The following UBE4B variants were observed in gnomAD, a reference collection of about 807,000 sequenced individuals.
The protein encoded by UBE4B is ubiquitin conjugation factor E4 B.
A neutral mutation model predicts 148.1 loss-of-function variants in UBE4B; 27 were observed. That is an observed-to-expected ratio of 0.18 (90% CI 0.13 to 0.25). The LOEUF (loss-of-function observed/expected upper bound fraction) is 0.25. Among genes scored for constraint, UBE4B ranks in the 10% least tolerant of loss-of-function variants. The pLI, the probability that UBE4B is intolerant of heterozygous loss-of-function variation, is 1.00. For missense variants in UBE4B, 1,170 were observed against 1,662.4 expected (o/e 0.70, Z 5.15); for synonymous variants, 596 against 619.3 (o/e 0.96, Z 0.56).
At chr1:10,036,951 C>T (rs1643561382) in intron 1 of UBE4B, among the ~76,000 whole-genome samples, 1 of 152,084 alleles carries the variant, frequency 6.6e-6, no homozygotes, top group Admixed American at 6.6e-5. Flanking sequence ...CTGGTATAAC[C>T]AGACTGGTAG....
chr1:10,129,130 A>G (rs1437625009), intron 11 of UBE4B: 38 of 415,474 alleles, frequency 9.1e-5, no homozygotes, highest in African/African-American at 3.9e-5. Context: ...CAAAATATCA[A>G]TAGAGGTTAT....
intron 1 of UBE4B, among the ~76,000 whole-genome samples, chr1:10,050,119 G>T (rs922998233): frequency 6.6e-6 from 1 of 152,134 alleles, no homozygotes; most frequent in Non-Finnish European, 1.5e-5. Flanking sequence ...TGTCACCCAG[G>T]CTGGAGTGCA....
intron 2 of UBE4B, among the ~76,000 whole-genome samples, chr1:10,083,608 G>A (rs1426472548): frequency 6.6e-6 from 1 of 152,038 alleles, no homozygotes; most frequent in Non-Finnish European, 1.5e-5. Flanking sequence ...TTGGGAGAAA[G>A]AATTCGAGGG....
Position 10,067,174 on chromosome 1 carries a change from T to A in UBE4B, c.25-4854T>A, listed in dbSNP as rs1193468212. On this transcript the variant is annotated intron_variant, in intron 1 of 27. Coordinates refer to ENST00000343090, the MANE Select transcript of UBE4B (RefSeq NM_001105562.3). The stretch of plus-strand genomic sequence containing the variant: ...GCAATCACAATGGCCTTCACTGTTT[T>A]GAATCTATTTTTAGTTCATCAGGAA... 4.6e-5 allele frequency among the ~76,000 whole-genome samples: 7 copies of A among 152,284 alleles called. No individual in the cohort carries two copies. In the East Asian group the frequency reaches 1.3e-3, roughly 29 times the overall value.
rs191914400 is a variant in UBE4B at position 10,074,834 on chromosome 1, A to C, written c.211+2620A>C. Among the ~76,000 whole-genome samples, 43 of 152,302 alleles carry C rather than the reference A, an allele frequency of 2.8e-4. 1 individual carries two copies. Among genetic ancestry groups the C allele is most frequent in the Admixed American group, 2.8e-3 (43 of 15,292 alleles). On this transcript the variant is annotated intron_variant, in intron 2 of 27. Transcript: ENST00000343090. ...CCAGCTTTATTCTCTTACTGTTGTC[A>C]TCCAGTGTCCTGGCTTTAATTACCC...
chr1:10,034,052 A>G (rs1188078471), intron 1 of UBE4B, among the ~76,000 whole-genome samples: 1 of 152,190 alleles, frequency 6.6e-6, no homozygotes, highest in African/African-American at 2.4e-5. Flanking sequence ...GAATTTAAAG[A>G]ACAATTTTGG....
At chr1:10,054,081 A>AAG (rs1644114025) in intron 1 of UBE4B, among the ~76,000 whole-genome samples, 1 of 152,102 alleles carries the variant, frequency 6.6e-6, no homozygotes, top group African/African-American at 2.4e-5. Flanking sequence ...TTAAAAAAAA[A>AAG]GACAGGATTT....
At chr1:10,091,898 G>A (rs746085642) in intron 2 of UBE4B, among the ~76,000 whole-genome samples, 35 of 151,912 alleles carry the variant, frequency 2.3e-4, no homozygotes, top group Non-Finnish European at 4.4e-4. Flanking sequence ...GAGCCACTGC[G>A]CCCGGACTAC....
chr1:10,111,659 C>T (rs1645223985), intron 7 of UBE4B, among the ~76,000 whole-genome samples: 1 of 152,076 alleles, frequency 6.6e-6, no homozygotes. Flanking sequence ...CTTTGCCTTG[C>T]TATTAGAAAA....
At chr1:10,088,664 C>A (rs1644799673) in intron 2 of UBE4B, among the ~76,000 whole-genome samples, 1 of 151,778 alleles carries the variant, frequency 6.6e-6, no homozygotes, top group South Asian at 2.1e-4. Flanking sequence ...AGCCACCACG[C>A]CTGACCGTAT....
rs1402146169 is a variant in UBE4B at position 10,161,235 on chromosome 1, T to C, written c.3147T>C (p.His1049=). 9 of 1,614,004 alleles carry C rather than the reference T, an allele frequency of 5.6e-6. No homozygotes were observed. The highest frequency in any genetic ancestry group is 7.6e-6 in the Non-Finnish European group (9 of 1,180,020). The part of the protein sequence containing the change: ...DESLESLKRI[H]EVQEEMKNKE... ...GTCTGGAGTCTCTGAAGCGAATCCA[T>C]GAAGTGCAGGAAGAGATGAAGAACA... The change falls in exon 23 of 28, where the codon CAT becomes CAC. Residue 1049 remains histidine (H), a synonymous_variant. Transcript: ENST00000343090. The surrounding 1 kb of genome is among the most constrained non-coding windows in gnomAD (Gnocchi z 4.1).
At chr1:10,072,537 ATAAAATAATCTGAAAATGCAAGAT>A in intron 2 of UBE4B, 1 of 706,344 alleles carries the variant, frequency 1.4e-6, no homozygotes, top group South Asian at 1.5e-5. Context: ...TGGTTTTAAG[ATAAAATAATCTGAAAATGCAAGAT>A]TAAAATAATG....
rs1645416209 is a variant in UBE4B, at chr1:10,121,847, A to G, written c.1440-115A>G. On this transcript the variant is annotated intron_variant, in intron 9 of 27. Transcript: ENST00000343090. ...TTCGCCTGAAACTATTTTGCAGAAT[A>G]TTTGGGAGATGTCAAGTTTGACTTT... The G allele has an allele frequency of 8.1e-6, 5 of 614,054 alleles. No homozygotes were observed. The East Asian group carries it at 1.1e-4, about 13-fold the overall frequency. The allele number at this position is 614,054 out of a possible 1,614,324, so 38.0% of individuals were successfully genotyped here.
chr1:10,041,439 A>T (rs901818917), intron 1 of UBE4B, among the ~76,000 whole-genome samples: 1 of 151,118 alleles, frequency 6.6e-6, no homozygotes, highest in Non-Finnish European at 1.5e-5. Flanking sequence ...GGTTCAAGCA[A>T]TTCTCCTGCC....
intron 18 of UBE4B, among the ~76,000 whole-genome samples, chr1:10,146,471 C>G (rs1336139126): frequency 6.6e-6 from 1 of 152,024 alleles, no homozygotes; most frequent in Admixed American, 6.6e-5. Flanking sequence ...AAATAAGAAA[C>G]ATAAAAACTG....
At chr1:10,038,034 G>T (rs551271525) in intron 1 of UBE4B, among the ~76,000 whole-genome samples, 8 of 151,912 alleles carry the variant, frequency 5.3e-5, no homozygotes, top group East Asian at 2.0e-4. Context: ...TAATCCCAGC[G>T]CTTTGGGAGG....
chr1:10,158,323 A>G (rs1646106858), intron 21 of UBE4B, 33 bp from the exon 22 acceptor site: 1 of 1,608,618 alleles, frequency 6.2e-7, no homozygotes, highest in Admixed American at 1.7e-5. Flanking sequence ...AAGAAAATAC[A>G]TATCCCTCAG....
intron 1 of UBE4B, among the ~76,000 whole-genome samples, chr1:10,069,785 C>T (rs1003037220): frequency 6.6e-6 from 1 of 152,106 alleles, no homozygotes; most frequent in Non-Finnish European, 1.5e-5. Context: ...TCCACCGCCT[C>T]GGACTCCCCT....
chr1:10,140,064 A>G (rs767849449), intron 17 of UBE4B, among the ~76,000 whole-genome samples: 55 of 152,012 alleles, frequency 3.6e-4, no homozygotes, highest in Admixed American at 3.5e-3. Context: ...GGATATTTAG[A>G]TCATCCTTTC....
Sources: gnomAD v4.1 joint callset for allele counts (sites outside exome capture counted in the v4.1 genomes callset) on GRCh38, gnomAD v4.1.1 for gene constraint, Gnocchi (gnomAD v3.1) non-coding constraint, MANE v1.5 for transcripts, NCBI Gene and HGNC (gene_info 2026-07-23, HGNC 2026-07-21) for gene names.